The following CDK2AP1 variants were observed in gnomAD, a reference collection of about 807,000 sequenced individuals.
The protein encoded by CDK2AP1 is cyclin-dependent kinase 2-associated protein 1.
In CDK2AP1, 10 loss-of-function variants were observed where a neutral mutation model predicts 14.1. The observed-to-expected ratio is 0.71, with a 90% CI of 0.44 to 1.20. The LOEUF (loss-of-function observed/expected upper bound fraction) is 1.20, where lower values mean the gene tolerates loss of function less well. Among genes scored for constraint, CDK2AP1 ranks in the 50% most tolerant of loss-of-function variants. The pLI is 0.00. For synonymous variants in CDK2AP1, 59 were observed against 59.8 expected (o/e 0.99, Z 0.06); for missense variants, 102 against 149.9 (o/e 0.68, Z 1.67).
Position 123,265,274 on chromosome 12 carries a change from C to T in CDK2AP1, c.202G>A (p.Ala68Thr). Residue 68 changes from alanine (A) to threonine (T), a missense_variant, in exon 3 of 4, where the codon GCC (alanine) becomes ACC (threonine). Transcript: ENST00000261692. This position sits in a 1 kb window ranked among gnomAD's most constrained non-coding sequence, Gnocchi z 5.3. The part of the protein sequence containing the change: ...VPQSKYAELL[A>T]IIEELGKEIR... ...TCCTTCCCCAGCTCTTCAATGATGG[C>T]CAGCAGCTCCGCGTATTTGCTTTGG... is the stretch of plus-strand genomic sequence containing the variant. 4 of 1,614,146 alleles carry T rather than the reference C, an allele frequency of 2.5e-6. No individual in the cohort carries two copies. The highest frequency in any genetic ancestry group is 3.4e-6 in the Non-Finnish European group (4 of 1,179,980).
At chr12:123,267,360 CCCT>C in intron 1 of CDK2AP1, 78 bp from the exon 2 acceptor site, 1 of 858,312 alleles carries the variant, frequency 1.2e-6, no homozygotes, top group Non-Finnish European at 2.0e-6. Context: ...CCTGCAACAG[CCCT>C]TGCCCAGGAC....
chr12:123,261,843 G>A (rs1305166664), intron 3 of CDK2AP1, 40 bp from the exon 4 acceptor site: 1 of 1,397,004 alleles, frequency 7.2e-7, no homozygotes, highest in Middle Eastern at 1.8e-4. Context: ...CAAGTGCACA[G>A]GACCAGCCAG....
At position 123,271,128 on chromosome 12, in the gene CDK2AP1, G is replaced by A. The variant is rs1186721089; in HGVS notation, c.55+436C>T. 1.1e-5 allele frequency: 7 copies of A among 643,594 alleles called. No individual in the cohort carries two copies. The African/African-American group carries it at 1.2e-4, about 11-fold the overall frequency. 39.9% of individuals were successfully genotyped at this position (643,594 alleles called of 1,614,324 possible). The stretch of plus-strand genomic sequence containing the variant: ...GCCCGCAGCGCCCCCCGCCCGGGCT[G>A]CTTCACGACCCCGCTCCCCAGGGCG... On this transcript the variant is annotated intron_variant, in intron 1 of 3. Transcript: ENST00000261692.
intron 2 of CDK2AP1, among the ~76,000 whole-genome samples, chr12:123,266,492 C>G (rs935117584): frequency 6.6e-6 from 1 of 152,270 alleles, no homozygotes; most frequent in Non-Finnish European, 1.5e-5. Flanking sequence ...TGCTGGGGCC[C>G]AGCCAGGGAG....
intron 3 of CDK2AP1, among the ~76,000 whole-genome samples, chr12:123,264,929 TG>T: frequency 6.6e-6 from 1 of 152,174 alleles, no homozygotes; most frequent in African/African-American, 2.4e-5. Flanking sequence ...GCAGACCCCC[TG>T]GCAGCACACA....
At chr12:123,267,393 A>C in intron 1 of CDK2AP1, 111 bp from the exon 2 acceptor site, 1 of 710,242 alleles carries the variant, frequency 1.4e-6, no homozygotes, top group South Asian at 1.5e-5. Context: ...CAACTGTAGC[A>C]GGATGGAGAA....
At chr12:123,268,505 G>A (rs894642491) in intron 1 of CDK2AP1, among the ~76,000 whole-genome samples, 10 of 152,236 alleles carry the variant, frequency 6.6e-5, no homozygotes, top group South Asian at 2.1e-4. Flanking sequence ...CCCTCTCTCC[G>A]AGAACGGGGA....
intron 1 of CDK2AP1, among the ~76,000 whole-genome samples, chr12:123,270,690 T>C (rs1439262064): frequency 1.3e-5 from 2 of 152,044 alleles, no homozygotes; most frequent in Non-Finnish European, 2.9e-5. Context: ...CTGGAGGAGT[T>C]TCCTGGGAGC....
intron 1 of CDK2AP1, 109 bp downstream of exon 1, chr12:123,271,454 GC>G: frequency 2.2e-6 from 1 of 452,462 alleles, no homozygotes; most frequent in South Asian, 8.8e-5. Flanking sequence ...GGGACCCTGA[GC>G]CCCCCGCCCC....
intron 1 of CDK2AP1, chr12:123,270,195 T>C (rs770520289): frequency 6.1e-6 from 6 of 984,528 alleles, no homozygotes; most frequent in Non-Finnish European, 7.2e-6. Context: ...AAAGCCCGTC[T>C]TTGTAAGGTC....
intron 3 of CDK2AP1, among the ~76,000 whole-genome samples, chr12:123,264,829 C>T (rs1326851708): frequency 6.6e-6 from 1 of 152,168 alleles, no homozygotes; most frequent in African/African-American, 2.4e-5. Flanking sequence ...GAACCCTGAG[C>T]TTGGCTTCCC....
chr12:123,270,820 C>G (rs2048346977), intron 1 of CDK2AP1: 1 of 984,976 alleles, frequency 1.0e-6, no homozygotes, highest in African/African-American at 1.7e-5. Context: ...TGACCCACTG[C>G]CCCCACGCCC....
chr12:123,267,306 C>T, intron 1 of CDK2AP1, 24 bp from the exon 2 acceptor site: 1 of 1,459,284 alleles, frequency 6.9e-7, no homozygotes, highest in Non-Finnish European at 9.6e-7. Flanking sequence ...AGAGAGAGGC[C>T]AGGAGTCAGC....
chr12:123,264,928 C>T (rs1039166940), intron 3 of CDK2AP1, among the ~76,000 whole-genome samples: 1 of 152,106 alleles, frequency 6.6e-6, no homozygotes, highest in African/African-American at 2.4e-5. Context: ...AGCAGACCCC[C>T]TGGCAGCACA....
At chr12:123,266,424 G>A (rs1429761174) in intron 2 of CDK2AP1, among the ~76,000 whole-genome samples, 1 of 152,258 alleles carries the variant, frequency 6.6e-6, no homozygotes, top group African/African-American at 2.4e-5. Flanking sequence ...GGTGGGGCAT[G>A]GCCGGGGAGC....
intron 1 of CDK2AP1, chr12:123,268,070 G>A: frequency 3.5e-6 from 2 of 563,776 alleles, no homozygotes; most frequent in Non-Finnish European, 4.5e-6. Context: ...GGGAGTCCGT[G>A]GCTAGGAGCA....
At chr12:123,271,452 GA>G in intron 1 of CDK2AP1, 111 bp downstream of exon 1, 2 of 447,208 alleles carry the variant, frequency 4.5e-6, no homozygotes, top group Non-Finnish European at 5.9e-6. Flanking sequence ...CCGGGACCCT[GA>G]GCCCCCCGCC....
In CDK2AP1 at chr12:123,265,523, G is replaced by C. The variant is rs528498407; in HGVS notation, c.154-201C>G. Among the ~76,000 whole-genome samples the C allele has an allele frequency of 6.6e-6, 1 of 150,798 alleles. No homozygotes were observed. The highest frequency in any genetic ancestry group is 2.4e-5 in the African/African-American group (1 of 41,186). ...ATCTCGGGGGAAAAAAAAAAAAAAG[G>C]GTTCAGCAGCCTGACCCCAAGGCCA... On this transcript the variant is annotated intron_variant, in intron 2 of 3. Coordinates refer to ENST00000261692, the MANE Select transcript of CDK2AP1 (RefSeq NM_004642.4). This position sits in a 1 kb window ranked among gnomAD's most constrained non-coding sequence, Gnocchi z 5.3.
In CDK2AP1 at chr12:123,271,544, G is replaced by A. The variant is rs1227297896; in HGVS notation, c.55+20C>T. 1.0e-6 allele frequency: 1 copy of A among 997,816 alleles called. No individual in the cohort carries two copies. Among genetic ancestry groups the A allele is most frequent in the Non-Finnish European group, 1.2e-6 (1 of 839,312 alleles). 61.8% of individuals were successfully genotyped at this position (997,816 alleles called of 1,614,324 possible). On this transcript the variant is annotated intron_variant, in intron 1 of 3. Coordinates refer to ENST00000261692, the MANE Select transcript of CDK2AP1 (RefSeq NM_004642.4). ...CCCAACTTGGCGGCGCTTGGGGCGC[G>A]TCGCACGCGGCTCACTCACCGGCGT...
Sources: gnomAD v4.1 joint callset for allele counts (sites outside exome capture counted in the v4.1 genomes callset) on GRCh38, gnomAD v4.1.1 for gene constraint, Gnocchi (gnomAD v3.1) non-coding constraint, MANE v1.5 for transcripts, NCBI Gene and HGNC (gene_info 2026-07-23, HGNC 2026-07-21) for gene names.